The following ADGRL4 variants were observed in gnomAD, a reference collection of about 807,000 sequenced individuals.
ADGRL4 encodes the protein EGF, latrophilin and seven transmembrane domain containing 1.
ADGRL4 carries 90 observed loss-of-function variants against 74.8 expected under a neutral mutation model. That is an observed-to-expected ratio of 1.20 (90% CI 1.02 to 1.43). The LOEUF (loss-of-function observed/expected upper bound fraction) is 1.43, where lower values mean the gene tolerates loss of function less well. ADGRL4 is among the 40% of genes most tolerant of loss of function. ADGRL4 has a pLI of 0.00. For missense variants in ADGRL4, 881 were observed against 814.3 expected (o/e 1.08, Z -1.00); for synonymous variants, 311 against 279.2 (o/e 1.11, Z -1.14).
intron 2 of ADGRL4, among the ~76,000 whole-genome samples, chr1:78,975,407 AGATGCCTT>A (rs1650256990): frequency 6.6e-6 from 1 of 152,026 alleles, no homozygotes; most frequent in South Asian, 2.1e-4. Flanking sequence ...GGACAGTGGG[AGATGCCTT>A]GATATTAAGA....
intron 12 of ADGRL4, among the ~76,000 whole-genome samples, chr1:78,901,041 C>T (rs1441717537): frequency 1.3e-5 from 2 of 151,764 alleles, no homozygotes; most frequent in Non-Finnish European, 2.9e-5. Flanking sequence ...CTGTAAAATT[C>T]TTATCTTTAT....
At chr1:78,963,981 C>T (rs1370340793) in intron 2 of ADGRL4, among the ~76,000 whole-genome samples, 1 of 152,190 alleles carries the variant, frequency 6.6e-6, no homozygotes, top group East Asian at 1.9e-4. Flanking sequence ...TTAGAAGTTG[C>T]TTTCCTCTAT....
chr1:78,988,664 T>C (rs1570274145), intron 2 of ADGRL4, among the ~76,000 whole-genome samples: 1 of 151,918 alleles, frequency 6.6e-6, no homozygotes, highest in East Asian at 1.9e-4. Flanking sequence ...TTTCTGTCAA[T>C]GAACACACAT....
chr1:78,908,534 A>G (rs531739514), intron 12 of ADGRL4, among the ~76,000 whole-genome samples: 2 of 152,086 alleles, frequency 1.3e-5, no homozygotes, highest in African/African-American at 4.8e-5. Context: ...TGCTGTTACT[A>G]TTTTTATTTG....
chr1:78,988,863 A>G (rs1489403), intron 2 of ADGRL4, among the ~76,000 whole-genome samples: 13 of 151,660 alleles, frequency 8.6e-5, no homozygotes, highest in African/African-American at 1.9e-4. Context: ...TGCAAAATGA[A>G]TTTTCTTCCA....
chr1:78,961,349 G>T (rs1384210942), intron 2 of ADGRL4, among the ~76,000 whole-genome samples: 1 of 152,030 alleles, frequency 6.6e-6, no homozygotes, highest in Non-Finnish European at 1.5e-5. Flanking sequence ...CACCATGTTG[G>T]CCAGGATGGT....
At chr1:78,964,540 T>C (rs1650017208) in intron 2 of ADGRL4, among the ~76,000 whole-genome samples, 2 of 152,222 alleles carry the variant, frequency 1.3e-5, no homozygotes, top group South Asian at 4.1e-4. Context: ...AAAATGTTTT[T>C]ATGTTTATTT....
At chr1:78,940,655 A>G (rs1047973916) in intron 3 of ADGRL4, among the ~76,000 whole-genome samples, 8 of 152,164 alleles carry the variant, frequency 5.3e-5, no homozygotes, top group African/African-American at 1.9e-4. Context: ...GATACTTTAT[A>G]TTAAATTAAT....
At chr1:78,938,527 A>AT (rs11451506) in intron 4 of ADGRL4, among the ~76,000 whole-genome samples, 13,557 of 101,548 alleles carry the variant, frequency 0.13, 814 homozygotes, top group East Asian at 0.41. Flanking sequence ...TGAATTAATA[A>AT]TTTTTTTAAA....
At chr1:78,894,816 A>T (rs1648360523) in intron 12 of ADGRL4, among the ~76,000 whole-genome samples, 1 of 151,948 alleles carries the variant, frequency 6.6e-6, no homozygotes, top group African/African-American at 2.4e-5. Context: ...AAAGTAAATG[A>T]CGAGAAAAGC....
chr1:78,937,934 G>C lies in ADGRL4; in HGVS notation c.633C>G (p.Asp211Glu). The C allele has an allele frequency of 6.2e-7, 1 of 1,613,800 alleles. No homozygotes were observed. The change falls in exon 6 of 15, where the codon GAC (aspartate) becomes GAG (glutamate). Residue 211 changes from aspartate to glutamate, a missense_variant. By Grantham distance (45) the Asp-to-Glu change is conservative. Transcript: ENST00000370742. ...FVQRDTFVVW[D>E]KLSVNHRRTH... ...TTCTCCTATGATTCACAGATAACTT[G>C]TCCCAAACTACAAATGTATCCCTTT...
intron 2 of ADGRL4, among the ~76,000 whole-genome samples, chr1:78,974,927 G>A (rs1650246682): frequency 6.6e-6 from 1 of 152,056 alleles, no homozygotes; most frequent in African/African-American, 2.4e-5. Flanking sequence ...TTTCCCTCTT[G>A]CCATGTAACA....
At chr1:78,989,343 G>A (rs1650558266) in intron 2 of ADGRL4, among the ~76,000 whole-genome samples, 1 of 151,794 alleles carries the variant, frequency 6.6e-6, no homozygotes. Flanking sequence ...GATTGTCTTT[G>A]TAAACATGCT....
At chr1:78,993,722 C>T (rs1650659427) in intron 2 of ADGRL4, among the ~76,000 whole-genome samples, 1 of 152,054 alleles carries the variant, frequency 6.6e-6, no homozygotes, top group African/African-American at 2.4e-5. Context: ...GTGCCCACCA[C>T]CATGCTCGGC....
Position 78,996,873 on chromosome 1 carries a change from T to C in ADGRL4, c.172+8197A>G, listed in dbSNP as rs577791534. 1.6e-3 allele frequency among the ~76,000 whole-genome samples: 236 copies of C among 152,252 alleles called. 1 individual carries two copies. The highest frequency in any genetic ancestry group is 5.3e-3 in the African/African-American group (222 of 41,554). ...TCACAGGAAAAATCAAATTAGCCAA[T>C]GAATTCAGGAAATCATTTGGGGTAA... On this transcript the variant is annotated intron_variant, in intron 2 of 14. Transcript: ENST00000370742.
chr1:78,956,070 C>T (rs910919604), intron 2 of ADGRL4, among the ~76,000 whole-genome samples: 2 of 152,110 alleles, frequency 1.3e-5, no homozygotes, highest in Non-Finnish European at 2.9e-5. Flanking sequence ...ACACTCCTTC[C>T]ATAATTTGTG....
intron 12 of ADGRL4, among the ~76,000 whole-genome samples, chr1:78,901,235 G>A (rs1648511590): frequency 6.6e-6 from 1 of 152,058 alleles, no homozygotes; most frequent in African/African-American, 2.4e-5. Context: ...TAACTTCATA[G>A]CTTTCAAATT....
intron 2 of ADGRL4, among the ~76,000 whole-genome samples, chr1:78,981,375 C>G (rs1350478868): frequency 1.3e-5 from 2 of 151,834 alleles, no homozygotes; most frequent in East Asian, 3.9e-4. Flanking sequence ...TTATCATGCC[C>G]ATTTCATAAT....
intron 12 of ADGRL4, among the ~76,000 whole-genome samples, chr1:78,899,707 G>C (rs1381444873): frequency 6.6e-6 from 1 of 151,848 alleles, no homozygotes; most frequent in Non-Finnish European, 1.5e-5. Flanking sequence ...TCTATTAATT[G>C]TCCATGAGTT....
Sources: allele counts gnomAD v4.1 joint callset (sites outside exome capture counted in the v4.1 genomes callset), GRCh38; gene constraint gnomAD v4.1.1; transcripts MANE v1.5; gene names NCBI Gene and HGNC (gene_info 2026-07-23, HGNC 2026-07-21).